The following DHTKD1 variants were observed in gnomAD, a reference collection of about 807,000 sequenced individuals.
DHTKD1 encodes the protein 2-oxoadipate dehydrogenase complex component E1.
In DHTKD1, 78 loss-of-function variants were observed where a neutral mutation model predicts 101.8. The observed-to-expected ratio is 0.77, with a 90% CI of 0.64 to 0.93. The LOEUF (loss-of-function observed/expected upper bound fraction) is 0.93. DHTKD1 is among the 40% of genes least tolerant of loss of function. The pLI is 0.00. For synonymous variants in DHTKD1, 462 were observed against 450.3 expected (o/e 1.03, Z -0.33); for missense variants, 1,223 against 1,161.7 (o/e 1.05, Z -0.77).
intron 6 of DHTKD1, among the ~76,000 whole-genome samples, chr10:12,093,130 A>T (rs10906075): frequency 6.6e-6 from 1 of 150,418 alleles, no homozygotes; most frequent in African/African-American, 2.5e-5. Flanking sequence ...CACAACTTGC[A>T]CCTCCCGGGT....
rs1186888662 is a variant in DHTKD1 at position 12,101,131 on chromosome 10, A to G, written c.1846A>G (p.Thr616Ala). The G allele has an allele frequency of 2.5e-6, 4 of 1,614,084 alleles. No homozygotes were observed. In the Admixed American group the frequency reaches 6.7e-5, roughly 27 times the overall value. The stretch of plus-strand genomic sequence containing the variant: ...CGTGGTTTGCCAGGAGACGGATGAC[A>G]CCTACATCCCCCTGAACCATATGGA... ...AIVVCQETDD[T>A]YIPLNHMDPN... Residue 616 changes from threonine to alanine, a missense_variant, in exon 10 of 17, where the codon ACC becomes GCC. Thr to Ala is a moderately conservative substitution (Grantham distance 58). Coordinates refer to ENST00000263035, the MANE Select transcript of DHTKD1 (RefSeq NM_018706.7).
intron 12 of DHTKD1, 24 bp downstream of exon 12, chr10:12,108,039 C>G: frequency 1.3e-6 from 2 of 1,563,618 alleles, no homozygotes; most frequent in Non-Finnish European, 1.8e-6. Context: ...CTTCCGGAGT[C>G]AATGAATCAT....
At chr10:12,096,458 T>A (rs1302016369) in intron 7 of DHTKD1, among the ~76,000 whole-genome samples, 1 of 152,162 alleles carries the variant, frequency 6.6e-6, no homozygotes, top group African/African-American at 2.4e-5. Flanking sequence ...TGATCACGGC[T>A]CACTGTAGCC....
chr10:12,116,785 C>T (rs1446719398), intron 13 of DHTKD1, among the ~76,000 whole-genome samples: 2 of 151,744 alleles, frequency 1.3e-5, no homozygotes, highest in Admixed American at 6.6e-5. Flanking sequence ...CAACTTCCGC[C>T]TCCCAAGCTC....
intron 7 of DHTKD1, among the ~76,000 whole-genome samples, chr10:12,095,580 G>A (rs1157491568): frequency 6.6e-6 from 1 of 151,860 alleles, no homozygotes; most frequent in Non-Finnish European, 1.5e-5. Context: ...TTGGGAGGCC[G>A]AGGCGGGCGG....
intron 15 of DHTKD1, 50 bp downstream of exon 15, chr10:12,118,968 A>G (rs1833470476): frequency 7.0e-7 from 1 of 1,430,780 alleles, no homozygotes; most frequent in Non-Finnish European, 9.3e-7. Flanking sequence ...CCCAAAACCC[A>G]TTTCAGCTCT....
chr10:12,108,311 G>A (rs749007420), intron 12 of DHTKD1, among the ~76,000 whole-genome samples: 6 of 151,816 alleles, frequency 4.0e-5, no homozygotes, highest in African/African-American at 7.3e-5. Flanking sequence ...ATGGGGTCTC[G>A]CTCTGTTGCC....
At chr10:12,090,359 C>G (rs928526275) in intron 5 of DHTKD1, among the ~76,000 whole-genome samples, 13 of 111,366 alleles carry the variant, frequency 1.2e-4, no homozygotes, top group Admixed American at 7.7e-4. Flanking sequence ...ATATGGCCGG[C>G]CCTCCCTCCC....
In DHTKD1 at chr10:12,101,191, T is replaced by C; in HGVS notation, c.1896+10T>C. On this transcript the variant is annotated intron_variant, in intron 10 of 16. Coordinates refer to ENST00000263035, the MANE Select transcript of DHTKD1 (RefSeq NM_018706.7). The stretch of plus-strand genomic sequence containing the variant: ...GAAGGGGTTTCTAGAGGTGAGATGT[T>C]TCTATAGCTGTTGTAAAATCCAGGT... 6.2e-7 allele frequency: 1 copy of C among 1,605,352 alleles called. No individual in the cohort carries two copies. The highest frequency in any genetic ancestry group is 8.5e-7 in the Non-Finnish European group (1 of 1,176,740).
intron 7 of DHTKD1, among the ~76,000 whole-genome samples, chr10:12,096,506 C>G (rs963550347): frequency 6.6e-6 from 1 of 152,152 alleles, no homozygotes; most frequent in Non-Finnish European, 1.5e-5. Context: ...CCGCCTCCAC[C>G]TCCTGAGAAC....
At chr10:12,099,558 T>C (rs10906077) in intron 8 of DHTKD1, among the ~76,000 whole-genome samples, 112,036 of 151,778 alleles carry the variant, frequency 0.74, 41,990 homozygotes, top group South Asian at 0.87. Flanking sequence ...CGTGGTGGTG[T>C]GCACCCATAG....
At chr10:12,071,654 A>T (rs1291935) in intron 1 of DHTKD1, among the ~76,000 whole-genome samples, 1 of 151,374 alleles carries the variant, frequency 6.6e-6, no homozygotes. Flanking sequence ...GGGGCCAGGC[A>T]CAGTGACTCA....
chr10:12,081,631 T>C lies in DHTKD1; in HGVS notation c.310+4T>C, dbSNP rs1564389206. 3 of 1,613,968 alleles carry C rather than the reference T, an allele frequency of 1.9e-6. No individual in the cohort carries two copies. The highest frequency in any genetic ancestry group is 2.7e-5 in the African/African-American group (2 of 74,930). On this transcript the variant is annotated splice_donor_region_variant and intron_variant, in intron 2 of 16. Coordinates refer to ENST00000263035, the MANE Select transcript of DHTKD1 (RefSeq NM_018706.7). The stretch of plus-strand genomic sequence containing the variant: ...CAGGGACCCTTCCACACGGCAGGTA[T>C]GGCTTCTGCACAGCAGGCGGGAGCT...
intron 1 of DHTKD1, among the ~76,000 whole-genome samples, chr10:12,071,799 A>G (rs1318582869): frequency 6.6e-6 from 1 of 152,142 alleles, no homozygotes; most frequent in African/African-American, 2.4e-5. Flanking sequence ...AAGTGTTGGG[A>G]TTATAGGCGC....
intron 2 of DHTKD1, among the ~76,000 whole-genome samples, chr10:12,083,153 G>A (rs111531028): frequency 1.0e-4 from 15 of 145,770 alleles, no homozygotes; most frequent in African/African-American, 2.3e-4. Context: ...GCGAGACTCC[G>A]TCTCAAAAAA....
chr10:12,112,446 C>A (rs1170455152), intron 12 of DHTKD1, among the ~76,000 whole-genome samples: 1 of 152,088 alleles, frequency 6.6e-6, no homozygotes, highest in African/African-American at 2.4e-5. Flanking sequence ...TCCTTGCCCT[C>A]AATTTTTCAA....
chr10:12,089,680 T>C (rs1832957875), intron 5 of DHTKD1, among the ~76,000 whole-genome samples: 1 of 151,376 alleles, frequency 6.6e-6, no homozygotes, highest in Non-Finnish European at 1.5e-5. Flanking sequence ...TTTTTATGGC[T>C]TTTTTTTTGA....
At chr10:12,082,584 G>C (rs1832837957) in intron 2 of DHTKD1, among the ~76,000 whole-genome samples, 1 of 150,884 alleles carries the variant, frequency 6.6e-6, no homozygotes, top group Non-Finnish European at 1.5e-5. Context: ...GGTTACCTGG[G>C]CTTTGCAAGG....
At chr10:12,111,770 A>T (rs1465416137) in intron 12 of DHTKD1, among the ~76,000 whole-genome samples, 2 of 152,152 alleles carry the variant, frequency 1.3e-5, no homozygotes, top group Non-Finnish European at 2.9e-5. Flanking sequence ...CTGAGTTTAA[A>T]GGTGTGAATT....
Sources: allele counts gnomAD v4.1 joint callset (sites outside exome capture counted in the v4.1 genomes callset), GRCh38; gene constraint gnomAD v4.1.1; transcripts MANE v1.5; gene names NCBI Gene and HGNC (gene_info 2026-07-23, HGNC 2026-07-21).